Variants in CSMD1 observed in about 807,000 individuals in gnomAD.
The protein encoded by CSMD1 is CUB and sushi domain-containing protein 1.
A neutral mutation model predicts 417.5 loss-of-function variants in CSMD1; 213 were observed. The ratio of observed to expected loss-of-function variants is 0.51; its 90% CI spans 0.46 to 0.57. CSMD1 has a LOEUF of 0.57. Among genes scored for constraint, CSMD1 ranks in the 20% least tolerant of loss-of-function variants. The pLI is 0.00. For synonymous variants in CSMD1, 2,862 were observed against 1,736.8 expected (o/e 1.65, Z -16.11); for missense variants, 6,923 against 4,529.7 (o/e 1.53, Z -15.17).
At chr8:4,027,644 T>A (rs920780022) in intron 4 of CSMD1, among the ~76,000 whole-genome samples, 1 of 152,118 alleles carries the variant, frequency 6.6e-6, no homozygotes, top group Non-Finnish European at 1.5e-5. Context: ...AATTACCCAG[T>A]CTCAGGTATT....
intron 1 of CSMD1, among the ~76,000 whole-genome samples, chr8:4,661,911 A>G (rs1585410524): frequency 6.6e-6 from 1 of 152,308 alleles, no homozygotes; most frequent in South Asian, 2.1e-4. Flanking sequence ...GTAAATCACA[A>G]TCAGTATCTT....
chr8:4,369,190 T>C (rs578215935), intron 3 of CSMD1, among the ~76,000 whole-genome samples: 30 of 152,330 alleles, frequency 2.0e-4, no homozygotes, highest in Non-Finnish European at 3.8e-4. Flanking sequence ...ATTTCTGACT[T>C]AATTTCATTC....
rs1210370103 is a variant in CSMD1, at chr8:4,056,408, CT to C, written c.416-24310del. On this transcript the variant is annotated intron_variant, in intron 3 of 69. Transcript: ENST00000635120. Reference sequence around the variant, plus strand: ...ATATTGGTGAATTTCTTTTTTTTTTCTTTTTTTTTTGTTTGTGCCAAACTAA... The same window carrying C: ...ATATTGGTGAATTTCTTTTTTTTTTCTTTTTTTTTGTTTGTGCCAAACTAA... Among the ~76,000 whole-genome samples, 39 of 143,048 alleles carry C rather than the reference CT, an allele frequency of 2.7e-4. No homozygotes were observed. The East Asian group carries it at 3.7e-3, about 13-fold the overall frequency. The allele number at this position is 143,048 out of a possible 152,430, so 93.8% of individuals were successfully genotyped here.
chr8:4,981,101 G>A (rs1255526230), intron 1 of CSMD1, among the ~76,000 whole-genome samples: 1 of 152,280 alleles, frequency 6.6e-6, no homozygotes, highest in African/African-American at 2.4e-5. Context: ...TTTCCCATGT[G>A]TGTACAAGTA....
intron 4 of CSMD1, among the ~76,000 whole-genome samples, chr8:4,021,131 G>C (rs375239022): frequency 6.6e-6 from 1 of 152,188 alleles, no homozygotes; most frequent in Non-Finnish European, 1.5e-5. Flanking sequence ...CAATACAGTA[G>C]CCTGAAGTGT....
At chr8:3,186,456 G>C (rs2129049508) in intron 36 of CSMD1, among the ~76,000 whole-genome samples, 1 of 152,288 alleles carries the variant, frequency 6.6e-6, no homozygotes, top group East Asian at 1.9e-4. Context: ...TAAGATGATA[G>C]ATTGGCACTT....
chr8:4,070,950 T>G (rs1320971845), intron 3 of CSMD1, among the ~76,000 whole-genome samples: 8 of 152,224 alleles, frequency 5.3e-5, no homozygotes, highest in Admixed American at 3.9e-4. Context: ...TGGTGTTTGA[T>G]GTAAAATCAG....
At chr8:3,705,782 C>T (rs887073329) in intron 7 of CSMD1, among the ~76,000 whole-genome samples, 3 of 152,268 alleles carry the variant, frequency 2.0e-5, no homozygotes, top group African/African-American at 7.2e-5. Flanking sequence ...GAACTGTGGT[C>T]TCCCAGAGGA....
chr8:4,665,950 T>A (rs1804890766), intron 1 of CSMD1, among the ~76,000 whole-genome samples: 1 of 152,212 alleles, frequency 6.6e-6, no homozygotes, highest in Non-Finnish European at 1.5e-5. Context: ...AACATGACCG[T>A]GCCACTCTGC....
intron 3 of CSMD1, among the ~76,000 whole-genome samples, chr8:4,086,204 A>C (rs1237686113): frequency 6.6e-6 from 1 of 152,210 alleles, no homozygotes; most frequent in African/African-American, 2.4e-5. Context: ...TTACAGCTAC[A>C]AAGTATCACA....
intron 25 of CSMD1, among the ~76,000 whole-genome samples, chr8:3,302,158 AATG>A: frequency 6.6e-6 from 1 of 152,164 alleles, no homozygotes; most frequent in Non-Finnish European, 1.5e-5. Context: ...ATGATGAAAT[AATG>A]ATGAAATGTG....
At chr8:4,332,547 TCACATACACACACACA>T (rs1287045267) in intron 3 of CSMD1, among the ~76,000 whole-genome samples, 1 of 111,536 alleles carries the variant, frequency 9.0e-6, no homozygotes, top group Non-Finnish European at 1.9e-5. Context: ...TGTCATGATA[TCACATACACACACACA>T]CACACACACA....
intron 5 of CSMD1, among the ~76,000 whole-genome samples, chr8:3,863,097 GC>G (rs754827996): frequency 8.3e-4 from 126 of 152,174 alleles, no homozygotes; most frequent in Non-Finnish European, 1.3e-3. Context: ...GATCCCTCAA[GC>G]TTTTTTAAAG....
intron 1 of CSMD1, among the ~76,000 whole-genome samples, chr8:4,798,088 G>C (rs1267239402): frequency 6.6e-6 from 1 of 152,168 alleles, no homozygotes; most frequent in Non-Finnish European, 1.5e-5. Context: ...ATGTGTAAAT[G>C]TGCCATGTTG....
intron 3 of CSMD1, among the ~76,000 whole-genome samples, chr8:4,390,764 A>G (rs1803797459): frequency 6.6e-6 from 1 of 151,682 alleles, no homozygotes; most frequent in Non-Finnish European, 1.5e-5. Flanking sequence ...GATGGTCTCA[A>G]TCTTCTGACC....
chr8:3,142,421 A>C (rs1361985661), intron 41 of CSMD1, 44 bp downstream of exon 41: 4 of 1,431,142 alleles, frequency 2.8e-6, no homozygotes, highest in African/African-American at 1.4e-5. Flanking sequence ...ACATGTAAGA[A>C]GTGTATTTAG....
At chr8:3,468,125 T>C (rs1199855507) in intron 12 of CSMD1, among the ~76,000 whole-genome samples, 2 of 152,204 alleles carry the variant, frequency 1.3e-5, no homozygotes, top group Non-Finnish European at 2.9e-5. Context: ...AACTTGCTAA[T>C]CCATTTAAAA....
chr8:4,345,706 G>T (rs1344237629), intron 3 of CSMD1, among the ~76,000 whole-genome samples: 1 of 151,940 alleles, frequency 6.6e-6, no homozygotes, highest in Admixed American at 6.6e-5. Flanking sequence ...TTTTAAAAAG[G>T]CTCAACGTCA....
At chr8:3,995,649 G>A (rs1418978554) in intron 5 of CSMD1, among the ~76,000 whole-genome samples, 4 of 152,176 alleles carry the variant, frequency 2.6e-5, no homozygotes, top group African/African-American at 9.7e-5. Flanking sequence ...GCATATCTCA[G>A]TTTTATTTTT....
Sources: gnomAD v4.1 joint callset for allele counts (sites outside exome capture counted in the v4.1 genomes callset) on GRCh38, gnomAD v4.1.1 for gene constraint, MANE v1.5 for transcripts, NCBI Gene and HGNC (gene_info 2026-07-23, HGNC 2026-07-21) for gene names.